BCR: variants seen among roughly 807,000 people sequenced by gnomAD.
The protein encoded by BCR is BCR activator of RhoGEF and GTPase, also known as breakpoint cluster region protein.
Under a neutral mutation model 138.6 loss-of-function variants are expected in BCR, and 58 were observed. The ratio of observed to expected loss-of-function variants is 0.42; its 90% CI spans 0.34 to 0.52. The LOEUF is 0.52. Ranked by LOEUF, BCR falls within the 20% of genes least tolerant of loss-of-function variation. The pLI is 0.06. For synonymous variants in BCR, 786 were observed against 730.1 expected (o/e 1.08, Z -1.23); for missense variants, 1,599 against 1,727.2 (o/e 0.93, Z 1.32).
intron 1 of BCR, among the ~76,000 whole-genome samples, chr22:23,208,359 A>G (rs758618792): frequency 5.9e-5 from 9 of 151,958 alleles, no homozygotes; most frequent in Non-Finnish European, 1.2e-4. Context: ...TACCAGGCCC[A>G]GAGCATGCAT....
intron 1 of BCR, among the ~76,000 whole-genome samples, chr22:23,217,658 C>T (rs2072772258): frequency 1.3e-5 from 2 of 152,216 alleles, no homozygotes; most frequent in Admixed American, 1.3e-4. Flanking sequence ...ATTGTCAATC[C>T]TTCAGGCTCC....
At chr22:23,267,034 G>A (rs921392195) in intron 4 of BCR, among the ~76,000 whole-genome samples, 5 of 152,014 alleles carry the variant, frequency 3.3e-5, no homozygotes, top group Non-Finnish European at 7.4e-5. Context: ...TCCCTGTCCT[G>A]CTTATAACCA....
intron 4 of BCR, chr22:23,262,641 C>G (rs931840359): frequency 1.3e-5 from 5 of 383,260 alleles, no homozygotes; most frequent in Non-Finnish European, 1.8e-5. Flanking sequence ...CGGGCTGCCC[C>G]GCAGCTGCTC....
rs996515318 is a variant in BCR at position 23,257,593 on chromosome 22, G to A, written c.1462-3357G>A. ...CATTCCCTTCACCTCTTCTCCTCTT[G>A]TGGAGCAGGGAGCGGCATCTGCACA... On this transcript the variant is annotated intron_variant, in intron 2 of 22. Transcript: ENST00000305877. 5.3e-5 allele frequency among the ~76,000 whole-genome samples: 8 copies of A among 152,378 alleles called. No homozygotes were observed. The East Asian group carries it at 1.3e-3, about 26-fold the overall frequency.
intron 1 of BCR, among the ~76,000 whole-genome samples, chr22:23,217,665 C>G (rs1246454490): frequency 6.6e-6 from 1 of 152,218 alleles, no homozygotes; most frequent in African/African-American, 2.4e-5. Flanking sequence ...ATCCTTCAGG[C>G]TCCTTTTGAA....
At chr22:23,297,309 G>A (rs572765883) in intron 16 of BCR, among the ~76,000 whole-genome samples, 3 of 149,102 alleles carry the variant, frequency 2.0e-5, no homozygotes, top group African/African-American at 7.4e-5. Context: ...GCAACCTCCC[G>A]GGTTCAAGCG....
intron 4 of BCR, among the ~76,000 whole-genome samples, chr22:23,265,952 C>T (rs2073436241): frequency 6.6e-6 from 1 of 152,210 alleles, no homozygotes; most frequent in South Asian, 2.1e-4. Flanking sequence ...TTACATTCTT[C>T]ACAGCTGTTT....
At chr22:23,290,244 G>T (rs1057452785) in intron 13 of BCR, 95 bp from the exon 14 acceptor site, 1 of 1,258,292 alleles carries the variant, frequency 7.9e-7, no homozygotes, top group Non-Finnish European at 1.2e-6. Flanking sequence ...GCCACACAGT[G>T]TCCACCGGAT....
intron 5 of BCR, among the ~76,000 whole-genome samples, chr22:23,268,987 G>A (rs1246475438): frequency 1.3e-5 from 2 of 152,362 alleles, no homozygotes; most frequent in East Asian, 1.9e-4. Context: ...TGTGCTCTGT[G>A]GACCCATGTG....
chr22:23,181,940 G>T lies in BCR; in HGVS notation c.980G>T (p.Gly327Val), dbSNP rs774467555. 1 of 1,612,770 alleles carries T rather than the reference G, an allele frequency of 6.2e-7. No individual in the cohort carries two copies. Among genetic ancestry groups the T allele is most frequent in the African/African-American group, 1.3e-5 (1 of 74,932 alleles). ...SPRSFEDCGGGYTPDCSSNEN... is the reference protein window; with the variant it reads ...SPRSFEDCGGVYTPDCSSNEN... ...CGGAGTTTTGAGGATTGCGGAGGCG[G>T]CTATACCCCGGACTGCAGCTCCAAT... Residue 327 changes from glycine to valine, a missense_variant, in exon 1 of 23, where the codon GGC becomes GTC. Physicochemically the swap from Gly to Val is moderately radical, Grantham distance 109 (BLOSUM62 -3). Coordinates refer to ENST00000305877, the MANE Select transcript of BCR (RefSeq NM_004327.4).
At chr22:23,257,650 T>C (rs989109429) in intron 2 of BCR, among the ~76,000 whole-genome samples, 3 of 152,096 alleles carry the variant, frequency 2.0e-5, no homozygotes, top group African/African-American at 4.8e-5. Flanking sequence ...GCAGCTGGGG[T>C]GCTTTCCCCA....
At chr22:23,263,223 C>CT in intron 4 of BCR, 1 of 986,664 alleles carries the variant, frequency 1.0e-6, no homozygotes, top group Admixed American at 2.6e-5. Flanking sequence ...CTGGCGCCTG[C>CT]CGGAAGTGCT....
At chr22:23,263,044 T>A in intron 4 of BCR, 3 of 737,728 alleles carry the variant, frequency 4.1e-6, no homozygotes, top group Non-Finnish European at 6.1e-6. Context: ...GAATGGAGGG[T>A]CAGGGCTAGG....
chr22:23,310,259 C>T (rs1220638004), intron 17 of BCR, 65 bp from the exon 18 acceptor site: 3 of 771,312 alleles, frequency 3.9e-6, no homozygotes, highest in Non-Finnish European at 4.5e-6. Context: ...TCCCAGGGGT[C>T]CTTGGGACCT....
chr22:23,289,618 G>A lies in BCR; in HGVS notation c.2704G>A (p.Glu902Lys). Residue 902 changes from glutamate (E) to lysine (K), a missense_variant, in exon 13 of 23, where the codon GAA becomes AAA. Coordinates refer to ENST00000305877, the MANE Select transcript of BCR (RefSeq NM_004327.4). Reference sequence around the variant, plus strand: ...CAGCATTCCGCTGACCATCAATAAGGAAGGTGGGCCCCCCCGTTTCCGTGT... The same window carrying A: ...CAGCATTCCGCTGACCATCAATAAGAAAGGTGGGCCCCCCCGTTTCCGTGT... ...VHSIPLTINK[E>K]DDESPGLYGF... The A allele has an allele frequency of 2.5e-6, 4 of 1,596,814 alleles. No homozygotes were observed. Among genetic ancestry groups the A allele is most frequent in the Non-Finnish European group, 3.4e-6 (4 of 1,175,152 alleles).
rs573698944 is a variant in BCR at position 23,199,722 on chromosome 22, CCTTTCTCCCTG to C, written c.1279+17489_1279+17499del. Among the ~76,000 whole-genome samples the C allele has an allele frequency of 1.8e-3, 281 of 152,272 alleles. 2 individuals carry two copies. The highest frequency in any genetic ancestry group is 3.2e-3 in the Non-Finnish European group (217 of 68,014). On this transcript the variant is annotated intron_variant, in intron 1 of 22. Transcript: ENST00000305877. ...AATGGATGTTTTCTTCTTTGTCTCTCCTTTCTCCCTGCTTTCAAGTCTGTGAATTAATTGGA... is the reference window on the plus strand; with the variant it reads ...AATGGATGTTTTCTTCTTTGTCTCTCCTTTCAAGTCTGTGAATTAATTGGA...
chr22:23,314,131 C>G (rs2074039676), intron 21 of BCR, 58 bp downstream of exon 21: 1 of 1,350,902 alleles, frequency 7.4e-7, no homozygotes, highest in African/African-American at 1.4e-5. Flanking sequence ...GCAGAGTGCC[C>G]CTCTGCTCCC....
At chr22:23,286,495 A>C (rs1295192710) in intron 10 of BCR, among the ~76,000 whole-genome samples, 1 of 152,108 alleles carries the variant, frequency 6.6e-6, no homozygotes, top group Non-Finnish European at 1.5e-5. Context: ...CCTCCAGGGT[A>C]GGGTGTCCCC....
chr22:23,245,063 GC>G (rs1327708867), intron 1 of BCR, among the ~76,000 whole-genome samples: 2 of 152,156 alleles, frequency 1.3e-5, no homozygotes, highest in Non-Finnish European at 2.9e-5. Flanking sequence ...GCTGACTAGT[GC>G]CCCCAGAAAA....
Sources: allele counts gnomAD v4.1 joint callset (sites outside exome capture counted in the v4.1 genomes callset), GRCh38; gene constraint gnomAD v4.1.1; transcripts MANE v1.5; gene names NCBI Gene and HGNC (gene_info 2026-07-23, HGNC 2026-07-21).